Variants in ARK2C observed in about 807,000 individuals in gnomAD.
The protein encoded by ARK2C is arkadia (RNF111) C-terminal like ring finger ubiquitin ligase 2C.
chr18:46,352,616 C>T, the ARK2C span, among the ~76,000 whole-genome samples: 2 of 152,246 alleles, frequency 1.3e-5, no homozygotes, highest in South Asian at 4.1e-4. Context: ...CTGCATGGTC[C>T]AGGATGGTTC....
At chr18:46,359,561 T>G in the ARK2C span, among the ~76,000 whole-genome samples, 101 of 152,254 alleles carry the variant, frequency 6.6e-4, no homozygotes, top group African/African-American at 2.3e-3. Context: ...CAAGAGAATG[T>G]AAGAACTGAG....
At chr18:46,410,671 G>C in the ARK2C span, among the ~76,000 whole-genome samples, 1 of 152,210 alleles carries the variant, frequency 6.6e-6, no homozygotes, top group Non-Finnish European at 1.5e-5. Context: ...CCTGGCTGAA[G>C]GGGAGCCTCC....
the ARK2C span, among the ~76,000 whole-genome samples, chr18:46,352,240 C>G: frequency 1.3e-5 from 2 of 152,098 alleles, no homozygotes; most frequent in African/African-American, 2.4e-5. Flanking sequence ...GGTCAAAGCC[C>G]AGAAAATGGG....
At chr18:46,365,728 CTCCTGACTTCATGA>C in the ARK2C span, among the ~76,000 whole-genome samples, 1 of 152,126 alleles carries the variant, frequency 6.6e-6, no homozygotes, top group Non-Finnish European at 1.5e-5. Context: ...TGGTCTTGAA[CTCCTGACTTCATGA>C]TCTGCCTGCC....
At chr18:46,401,196 G>T in the ARK2C span, among the ~76,000 whole-genome samples, 1 of 152,042 alleles carries the variant, frequency 6.6e-6, no homozygotes, top group South Asian at 2.1e-4. Flanking sequence ...CTCCTCCCAG[G>T]CCTGTCCGTG....
chr18:46,374,918 G>A, the ARK2C span, among the ~76,000 whole-genome samples: 1 of 152,182 alleles, frequency 6.6e-6, no homozygotes, highest in Non-Finnish European at 1.5e-5. Context: ...TTGGTCTTGA[G>A]GGCCTCCCCA....
the ARK2C span, among the ~76,000 whole-genome samples, chr18:46,431,248 G>C: frequency 6.6e-6 from 1 of 152,250 alleles, no homozygotes; most frequent in South Asian, 2.1e-4. Flanking sequence ...TAAAAATTTG[G>C]TAGGTTCTCT....
chr18:46,374,004 G>A, the ARK2C span, among the ~76,000 whole-genome samples: 2 of 152,122 alleles, frequency 1.3e-5, no homozygotes, highest in African/African-American at 2.4e-5. Context: ...GGCCCCTCAT[G>A]TTTCTAATTA....
At chr18:46,364,333 TTTGC>T in the ARK2C span, among the ~76,000 whole-genome samples, 1 of 151,722 alleles carries the variant, frequency 6.6e-6, no homozygotes, top group Non-Finnish European at 1.5e-5. Context: ...CCAACCAAAG[TTTGC>T]TTGGGTCAAA....
chr18:46,335,781 A>G, the ARK2C span: 2 of 502,352 alleles, frequency 4.0e-6, no homozygotes, highest in Non-Finnish European at 5.2e-6. Flanking sequence ...CAGAACCTAA[A>G]AGGCAAGCTT....
At chr18:46,365,350 A>T in the ARK2C span, among the ~76,000 whole-genome samples, 1 of 152,172 alleles carries the variant, frequency 6.6e-6, no homozygotes. Flanking sequence ...TTTTGGGATG[A>T]CCTATGTCTG....
At chr18:46,361,681 A>G in the ARK2C span, among the ~76,000 whole-genome samples, 1 of 152,212 alleles carries the variant, frequency 6.6e-6, no homozygotes, top group Non-Finnish European at 1.5e-5. Context: ...TGTCTGAGGA[A>G]GAGCCTACCC....
At chr18:46,364,441 A>G in the ARK2C span, among the ~76,000 whole-genome samples, 1 of 151,630 alleles carries the variant, frequency 6.6e-6, no homozygotes, top group African/African-American at 2.4e-5. Flanking sequence ...TAGAACACGC[A>G]TTCTAAAGTA....
chr18:46,342,735 G>A, the ARK2C span, among the ~76,000 whole-genome samples: 2 of 152,198 alleles, frequency 1.3e-5, no homozygotes, highest in Non-Finnish European at 2.9e-5. Context: ...AATTCTTGAA[G>A]CCTTAACAAA....
chr18:46,373,611 A>C, the ARK2C span, among the ~76,000 whole-genome samples: 3 of 152,218 alleles, frequency 2.0e-5, no homozygotes, highest in South Asian at 6.2e-4. Flanking sequence ...AGTGACGTTG[A>C]GGCTGAGAGC....
chr18:46,401,613 G>T, the ARK2C span, among the ~76,000 whole-genome samples: 182 of 152,262 alleles, frequency 1.2e-3, no homozygotes, highest in Non-Finnish European at 1.8e-3. Context: ...AAATGAAACT[G>T]GGTCTCACTC....
At chr18:46,365,198 G>C in the ARK2C span, among the ~76,000 whole-genome samples, 53 of 152,194 alleles carry the variant, frequency 3.5e-4, no homozygotes, top group Non-Finnish European at 6.5e-4. Context: ...TGAAGGGGAG[G>C]GGGTATGGAT....
the ARK2C span, among the ~76,000 whole-genome samples, chr18:46,402,535 G>C: frequency 1.3e-5 from 2 of 151,770 alleles, no homozygotes; most frequent in African/African-American, 4.8e-5. Flanking sequence ...TTCTTTTCGA[G>C]AGAATCTCTC....
At chr18:46,372,449 A>G in the ARK2C span, among the ~76,000 whole-genome samples, 4 of 152,194 alleles carry the variant, frequency 2.6e-5, no homozygotes, top group African/African-American at 4.8e-5. Flanking sequence ...GCAGCCTGAA[A>G]ATAGTGACAT....
Sources: gnomAD v4.1 joint callset for allele counts (sites outside exome capture counted in the v4.1 genomes callset) on GRCh38, gnomAD v4.1.1 for gene constraint, MANE v1.5 for transcripts, NCBI Gene and HGNC (gene_info 2026-07-23, HGNC 2026-07-21) for gene names.